Variants in CSMD1 observed in about 807,000 individuals in gnomAD.
CSMD1 encodes CUB and sushi domain-containing protein 1.
In CSMD1, 213 loss-of-function variants were observed where a neutral mutation model predicts 417.5. That is an observed-to-expected ratio of 0.51 (90% CI 0.46 to 0.57). The LOEUF is 0.57. Among genes scored for constraint, CSMD1 ranks in the 20% least tolerant of loss-of-function variants. The pLI, the probability that CSMD1 is intolerant of heterozygous loss-of-function variation, is 0.00. For missense variants in CSMD1, 6,923 were observed against 4,529.7 expected (o/e 1.53, Z -15.17); for synonymous variants, 2,862 against 1,736.8 (o/e 1.65, Z -16.11).
intron 2 of CSMD1, among the ~76,000 whole-genome samples, chr8:4,431,429 G>A (rs1281211454): frequency 6.6e-6 from 1 of 152,132 alleles, no homozygotes; most frequent in Non-Finnish European, 1.5e-5. Context: ...AACAAGGTGA[G>A]AGGAGAGCGA....
chr8:4,180,987 C>T (rs756164590), intron 3 of CSMD1, among the ~76,000 whole-genome samples: 2 of 152,110 alleles, frequency 1.3e-5, no homozygotes, highest in South Asian at 2.1e-4. Context: ...TTACCATTTC[C>T]GTACCCACTA....
At chr8:4,474,143 G>A (rs1563213891) in intron 2 of CSMD1, among the ~76,000 whole-genome samples, 1 of 152,242 alleles carries the variant, frequency 6.6e-6, no homozygotes, top group Non-Finnish European at 1.5e-5. Flanking sequence ...AAATTTGCCT[G>A]CCTTACAACA....
At chr8:4,860,265 G>T (rs1290123680) in intron 1 of CSMD1, among the ~76,000 whole-genome samples, 1 of 122,052 alleles carries the variant, frequency 8.2e-6, no homozygotes, top group Non-Finnish European at 1.7e-5. Context: ...CTGTTGTGGG[G>T]TGGGGGGAGG....
rs1291602539 is a variant in CSMD1 at position 3,162,360 on chromosome 8, T to C, written c.5726-83A>G. 4 of 871,850 alleles carry C rather than the reference T, an allele frequency of 4.6e-6. No homozygotes were observed. The African/African-American group carries it at 6.6e-5, about 14-fold the overall frequency. 54.0% of individuals were successfully genotyped at this position (871,850 alleles called of 1,614,324 possible). A position where few individuals can be genotyped will look rare whatever the true frequency, so the allele number is the denominator to read the frequency against. The stretch of plus-strand genomic sequence containing the variant: ...TTGAATAACCAAAGTTTATTTCTAT[T>C]GCTCTCCTTCTGTAGAAATGAACAA... On this transcript the variant is annotated intron_variant, in intron 37 of 69. Coordinates refer to ENST00000635120, the MANE Select transcript of CSMD1 (RefSeq NM_033225.6).
chr8:4,450,034 G>T (rs1184538828), intron 2 of CSMD1, among the ~76,000 whole-genome samples: 1 of 152,130 alleles, frequency 6.6e-6, no homozygotes, highest in Admixed American at 6.6e-5. Flanking sequence ...TCCTGTCCTT[G>T]ATGACTGGGT....
intron 3 of CSMD1, among the ~76,000 whole-genome samples, chr8:4,394,847 C>A (rs1472329674): frequency 1.3e-5 from 2 of 152,188 alleles, no homozygotes; most frequent in African/African-American, 4.8e-5. Context: ...CTTTGTGCTT[C>A]TCTGGGCTAG....
intron 4 of CSMD1, among the ~76,000 whole-genome samples, chr8:4,016,718 A>T (rs950027730): frequency 6.6e-6 from 1 of 152,208 alleles, no homozygotes; most frequent in African/African-American, 2.4e-5. Flanking sequence ...ACATGTTAGG[A>T]AGACCCTATA....
At chr8:3,249,395 T>C (rs1800111797) in intron 26 of CSMD1, among the ~76,000 whole-genome samples, 1 of 152,256 alleles carries the variant, frequency 6.6e-6, no homozygotes, top group East Asian at 1.9e-4. Flanking sequence ...GCTATTTTTT[T>C]GTATTTTTAG....
chr8:4,713,106 T>A (rs1039638231), intron 1 of CSMD1, among the ~76,000 whole-genome samples: 2 of 152,188 alleles, frequency 1.3e-5, no homozygotes, highest in African/African-American at 4.8e-5. Flanking sequence ...TTAAAGTCAT[T>A]CATTTGAGTT....
At chr8:4,331,249 G>A (rs1224478115) in intron 3 of CSMD1, among the ~76,000 whole-genome samples, 1 of 152,118 alleles carries the variant, frequency 6.6e-6, no homozygotes, top group Non-Finnish European at 1.5e-5. Flanking sequence ...ACCTCTTTCA[G>A]AGAGAAGCCA....
At chr8:3,361,403 T>C (rs1007605567) in intron 20 of CSMD1, among the ~76,000 whole-genome samples, 1 of 150,924 alleles carries the variant, frequency 6.6e-6, no homozygotes, top group Non-Finnish European at 1.5e-5. Flanking sequence ...CAGAGGCGGG[T>C]GGATCATGAG....
intron 7 of CSMD1, among the ~76,000 whole-genome samples, chr8:3,679,776 T>A (rs1407172658): frequency 1.3e-5 from 2 of 152,194 alleles, no homozygotes; most frequent in South Asian, 2.1e-4. Context: ...ATTGACCACA[T>A]AGTTGGAAGT....
intron 5 of CSMD1, among the ~76,000 whole-genome samples, chr8:3,798,016 A>C (rs1800255772): frequency 6.6e-6 from 1 of 151,990 alleles, no homozygotes; most frequent in Admixed American, 6.6e-5. Context: ...TGATGTTGAT[A>C]AACTTTTCAG....
chr8:3,639,734 T>C (rs114327135), intron 7 of CSMD1, among the ~76,000 whole-genome samples: 1 of 152,194 alleles, frequency 6.6e-6, no homozygotes, highest in Non-Finnish European at 1.5e-5. Flanking sequence ...TGATTTTTCT[T>C]TTGCATTTAT....
intron 1 of CSMD1, among the ~76,000 whole-genome samples, chr8:4,939,989 G>A (rs773889258): frequency 4.6e-5 from 7 of 152,042 alleles, no homozygotes; most frequent in African/African-American, 9.7e-5. Flanking sequence ...TTCAGAGTAG[G>A]GTTATTGGGA....
At chr8:3,292,334 C>G (rs925362390) in intron 25 of CSMD1, among the ~76,000 whole-genome samples, 1 of 152,058 alleles carries the variant, frequency 6.6e-6, no homozygotes, top group African/African-American at 2.4e-5. Flanking sequence ...CTGTAGATGT[C>G]TATTAGGTCC....
intron 11 of CSMD1, among the ~76,000 whole-genome samples, chr8:3,485,383 C>G (rs963426584): frequency 6.6e-6 from 1 of 151,988 alleles, no homozygotes; most frequent in Non-Finnish European, 1.5e-5. Flanking sequence ...CAGGGGTCAG[C>G]TTTAAGTGTA....
chr8:3,654,126 C>T (rs974466289), intron 7 of CSMD1, among the ~76,000 whole-genome samples: 5 of 152,140 alleles, frequency 3.3e-5, no homozygotes, highest in African/African-American at 9.7e-5. Context: ...AGTGTAACCA[C>T]CCCTCATCTT....
intron 10 of CSMD1, among the ~76,000 whole-genome samples, chr8:3,540,930 G>A (rs1798411479): frequency 2.0e-5 from 3 of 152,194 alleles, no homozygotes; most frequent in South Asian, 4.1e-4. Flanking sequence ...CACTGTTGGT[G>A]GGAATGTAAC....
Sources: gnomAD v4.1 joint callset for allele counts (sites outside exome capture counted in the v4.1 genomes callset) on GRCh38, gnomAD v4.1.1 for gene constraint, MANE v1.5 for transcripts, NCBI Gene and HGNC (gene_info 2026-07-23, HGNC 2026-07-21) for gene names.